Variants in KIF24 observed in about 807,000 individuals in gnomAD.
The protein encoded by KIF24 is kinesin-like protein KIF24.
A neutral mutation model predicts 118.9 loss-of-function variants in KIF24; 81 were observed. That is an observed-to-expected ratio of 0.68 (90% CI 0.57 to 0.82). The LOEUF is 0.82. Among genes scored for constraint, KIF24 ranks in the 40% least tolerant of loss-of-function variants. The pLI is 0.00. For synonymous variants in KIF24, 599 were observed against 610.0 expected, an observed-to-expected ratio of 0.98 and a Z score of 0.27; for missense variants, 1,560 against 1,661.6, an observed-to-expected ratio of 0.94 and a Z score of 1.06.
chr9:34,318,672 C>G lies in KIF24; in HGVS notation c.-25-7301G>C. On this transcript the variant is annotated intron_variant, in intron 1 of 12. Coordinates refer to ENST00000402558, the MANE Select transcript of KIF24 (RefSeq NM_194313.4). The surrounding 1 kb of genome is among the most constrained non-coding windows in gnomAD (Gnocchi z 4.9). The stretch of plus-strand genomic sequence containing the variant: ...TCGCTGGGCGGCAAGGCGACCACGG[C>G]GTCGGAGGCCAAGGCAGTGCTGAGT... 3 of 1,539,646 alleles carry G rather than the reference C, an allele frequency of 1.9e-6. No individual in the cohort carries two copies. Among genetic ancestry groups the G allele is most frequent in the Admixed American group, 3.6e-5 (2 of 55,708 alleles).
chr9:34,301,987 AT>A (rs71504112), intron 3 of KIF24, among the ~76,000 whole-genome samples: 8 of 72,474 alleles, frequency 1.1e-4, no homozygotes, highest in African/African-American at 2.5e-4. Context: ...CTATATATGT[AT>A]TTTTTTTTCT....
At chr9:34,272,691 T>C (rs1451822924) in intron 6 of KIF24, among the ~76,000 whole-genome samples, 1 of 152,190 alleles carries the variant, frequency 6.6e-6, no homozygotes, top group African/African-American at 2.4e-5. Flanking sequence ...GGTATGATCA[T>C]AGCTCACTGC....
intron 3 of KIF24, among the ~76,000 whole-genome samples, chr9:34,302,976 G>C (rs1404962865): frequency 6.6e-6 from 1 of 150,584 alleles, no homozygotes; most frequent in African/African-American, 2.4e-5. Context: ...GAGTTTCACC[G>C]TGTTAGCCAG....
In KIF24 at chr9:34,276,048, C is replaced by T. The variant is rs542086754; in HGVS notation, c.1216-4118G>A. Among the ~76,000 whole-genome samples, 5 of 152,288 alleles carry T rather than the reference C, an allele frequency of 3.3e-5. No individual in the cohort carries two copies. The East Asian group carries it at 9.6e-4, about 29-fold the overall frequency. On this transcript the variant is annotated intron_variant, in intron 6 of 12. Coordinates refer to ENST00000402558, the MANE Select transcript of KIF24 (RefSeq NM_194313.4). ...CATCCAGTACATCTGACTCCAAAGTCCATGTATTTTTCACTACACTGTGGG... is the reference window on the plus strand; with the variant it reads ...CATCCAGTACATCTGACTCCAAAGTTCATGTATTTTTCACTACACTGTGGG...
At position 34,263,134 on chromosome 9, in the gene KIF24, G is replaced by A. The variant is rs756277456; in HGVS notation, c.1482C>T (p.Thr494=). The A allele has an allele frequency of 6.2e-7, 1 of 1,613,412 alleles. No homozygotes were observed. Among genetic ancestry groups the A allele is most frequent in the Non-Finnish European group, 8.5e-7 (1 of 1,179,658 alleles). ...ECIRALDQEH[T]HTPFRQSKLT... ...GTTTGCTTTGCCTGAAGGGAGTATG[G>A]GTGTGTTCCTGATCCAGTGCTCGGA... The change falls in exon 9 of 13, where the codon ACC becomes ACT. Residue 494 remains threonine, a synonymous_variant. Transcript: ENST00000402558.
rs373015173 is a variant in KIF24, at chr9:34,259,693, A to G, written c.1528T>C (p.Ser510Pro). 1 of 1,613,496 alleles carries G rather than the reference A, an allele frequency of 6.2e-7. No homozygotes were observed. The highest frequency in any genetic ancestry group is 8.5e-7 in the Non-Finnish European group (1 of 1,179,420). ...QSKLTQVLKD[S>P]FIGNAKTCMI... Reference sequence around the variant, plus strand: ...CAGGTTTTGGCATTGCCGATGAAAGAGTCCTTCAGGACCTGTCCAAAACAG... The same window carrying G: ...CAGGTTTTGGCATTGCCGATGAAAGGGTCCTTCAGGACCTGTCCAAAACAG... Residue 510 changes from serine (S) to proline (P), a missense_variant, in exon 10 of 13, where the codon TCT becomes CCT. Around this residue, in one of 3 missense-constraint regions of KIF24, gnomAD observed 964 missense variants for 988.0 expected, o/e 0.98. Coordinates refer to ENST00000402558, the MANE Select transcript of KIF24 (RefSeq NM_194313.4).
chr9:34,289,918 C>T (rs1836187696), intron 5 of KIF24, among the ~76,000 whole-genome samples: 2 of 151,936 alleles, frequency 1.3e-5, no homozygotes, highest in South Asian at 2.1e-4. Context: ...CTTCATAGAC[C>T]AAAATAAAAG....
At position 34,318,258 on chromosome 9, in the gene KIF24, T is replaced by C. The variant is rs888937553; in HGVS notation, c.-25-6887A>G. The C allele has an allele frequency of 1.2e-5, 6 of 508,108 alleles. No individual in the cohort carries two copies. Among genetic ancestry groups the C allele is most frequent in the Non-Finnish European group, 2.1e-5 (6 of 280,840 alleles). 31.5% of individuals were successfully genotyped at this position (508,108 alleles called of 1,614,324 possible). On this transcript the variant is annotated intron_variant, in intron 1 of 12. Transcript: ENST00000402558. The surrounding 1 kb of genome is among the most constrained non-coding windows in gnomAD (Gnocchi z 4.9). ...TCAGCTATAAGTTGTAAAAGTTACA[T>C]AGAAATAGGCTATAGAAGAGTAGAA... is the stretch of plus-strand genomic sequence containing the variant.
intron 1 of KIF24, chr9:34,319,140 A>G (rs1372784492): frequency 2.5e-6 from 4 of 1,569,886 alleles, no homozygotes; most frequent in East Asian, 4.5e-5. Flanking sequence ...TACAACTACT[A>G]TGACAATGAG....
chr9:34,277,834 T>A (rs1835711011), intron 6 of KIF24, among the ~76,000 whole-genome samples: 1 of 152,226 alleles, frequency 6.6e-6, no homozygotes, highest in African/African-American at 2.4e-5. Context: ...CACATTTTTG[T>A]AAATGACATA....
In KIF24 at chr9:34,269,266, A is replaced by C; in HGVS notation, c.1434T>G (p.Ser478Arg). Reference sequence around the variant, plus strand: ...ATTTTGAACAACTTACAGCCAGTAGACTCTGATTTATTTCTGCACCTTCCA... The same window carrying C: ...ATTTTGAACAACTTACAGCCAGTAGCCTCTGATTTATTTCTGCACCTTCCA... Reference protein sequence around the residue: ...TKMEGAEINQSLLALKECIRA... With the variant: ...TKMEGAEINQRLLALKECIRA... The change falls in exon 8 of 13, where the codon AGT becomes AGG. Residue 478 changes from serine (S) to arginine (R), a missense_variant. Ser to Arg is a moderately radical substitution (Grantham distance 110, BLOSUM62 -1). Coordinates refer to ENST00000402558, the MANE Select transcript of KIF24 (RefSeq NM_194313.4). The C allele has an allele frequency of 6.3e-7, 1 of 1,594,860 alleles. No individual in the cohort carries two copies. Among genetic ancestry groups the C allele is most frequent in the Non-Finnish European group, 8.6e-7 (1 of 1,164,850 alleles).
At position 34,318,271 on chromosome 9, in the gene KIF24, T is replaced by C. The variant is rs1367666618; in HGVS notation, c.-25-6900A>G. On this transcript the variant is annotated intron_variant, in intron 1 of 12. Transcript: ENST00000402558. This position sits in a 1 kb window ranked among gnomAD's most constrained non-coding sequence, Gnocchi z 4.9. The stretch of plus-strand genomic sequence containing the variant: ...GTAAAAGTTACATAGAAATAGGCTA[T>C]AGAAGAGTAGAATCGTGTCGCGGCT... 1 of 550,330 alleles carries C rather than the reference T, an allele frequency of 1.8e-6. No individual in the cohort carries two copies. Among genetic ancestry groups the C allele is most frequent in the Admixed American group, 3.0e-5 (1 of 32,900 alleles). 34.1% of individuals were successfully genotyped at this position (550,330 alleles called of 1,614,324 possible). A position where few individuals can be genotyped will look rare whatever the true frequency, so the allele number is the denominator to read the frequency against.
intron 6 of KIF24, among the ~76,000 whole-genome samples, chr9:34,274,930 T>C (rs1835602852): frequency 6.6e-6 from 1 of 151,498 alleles, no homozygotes; most frequent in Non-Finnish European, 1.5e-5. Flanking sequence ...CTTATGTGTG[T>C]GATCTAAAAA....
chr9:34,322,217 G>A (rs1358660741), intron 1 of KIF24, among the ~76,000 whole-genome samples: 2 of 152,084 alleles, frequency 1.3e-5, no homozygotes, highest in Non-Finnish European at 2.9e-5. Flanking sequence ...CTTTAGAAGG[G>A]CATATACTCT....
At chr9:34,333,616 C>T (rs190051153), upstream of KIF24, among the ~76,000 whole-genome samples, 32 of 129,342 alleles carry the variant, frequency 2.5e-4, no homozygotes, top group East Asian at 6.5e-3. Context: ...CATTGCCCTC[C>T]AGTCTGGATG....
At chr9:34,264,944 C>A (rs1183780909) in intron 8 of KIF24, among the ~76,000 whole-genome samples, 1 of 152,052 alleles carries the variant, frequency 6.6e-6, no homozygotes, top group East Asian at 1.9e-4. Flanking sequence ...ATGCAGTGAT[C>A]TTGAGGATGC....
chr9:34,295,036 A>C (rs1286558416), intron 4 of KIF24, among the ~76,000 whole-genome samples: 3 of 152,232 alleles, frequency 2.0e-5, no homozygotes, highest in African/African-American at 4.8e-5. Context: ...AGTTGTTTGA[A>C]AAAACAGTCA....
intron 5 of KIF24, 140 bp from the exon 6 acceptor site, chr9:34,286,844 A>G (rs778227489): frequency 5.3e-5 from 34 of 638,540 alleles, no homozygotes; most frequent in Middle Eastern, 2.8e-4. Context: ...CCTCCTCCCA[A>G]CCCCACCCTC....
At chr9:34,313,857 C>T (rs1401781751) in intron 1 of KIF24, among the ~76,000 whole-genome samples, 1 of 150,658 alleles carries the variant, frequency 6.6e-6, no homozygotes, top group Non-Finnish European at 1.5e-5. Context: ...AAGTGATCCT[C>T]CCACCTCAGC....
Sources: allele counts gnomAD v4.1 joint callset (sites outside exome capture counted in the v4.1 genomes callset), GRCh38; gene constraint gnomAD v4.1.1; regional missense constraint gnomAD v4.1.1; non-coding constraint Gnocchi (gnomAD v3.1); transcripts MANE v1.5; gene names NCBI Gene and HGNC (gene_info 2026-07-23, HGNC 2026-07-21).